The following LARP1 variants were observed in gnomAD, a reference collection of about 807,000 sequenced individuals.
LARP1 encodes the protein La ribonucleoprotein 1, translational regulator.
A neutral mutation model predicts 122.7 loss-of-function variants in LARP1; 36 were observed. The ratio of observed to expected loss-of-function variants is 0.29; its 90% confidence interval spans 0.22 to 0.39. The LOEUF is 0.39. LARP1 is among the 10% of genes least tolerant of loss of function. The pLI, the probability that LARP1 is intolerant of heterozygous loss-of-function variation, is 1.00. For synonymous variants in LARP1, 539 were observed against 528.7 expected (o/e 1.02, Z -0.27); for missense variants, 1,040 against 1,403.6 (o/e 0.74, Z 4.14).
chr5:154,756,010 GA>G lies in LARP1; in HGVS notation c.255del (p.Gly86AlafsTer39). 1 of 1,019,786 alleles carries G rather than the reference GA, an allele frequency of 9.8e-7. No homozygotes were observed. The highest frequency in any genetic ancestry group is 3.7e-5 in the South Asian group (1 of 26,908). The allele number at this position is 1,019,786 out of a possible 1,614,324, so 63.2% of individuals were successfully genotyped here. A position where few individuals can be genotyped will look rare whatever the true frequency, so the allele number is the denominator to read the frequency against. ...SPRPLQLPGAEGPAISDGEEG... is the reference protein window; with the variant it reads ...SPRPLQLPGAXGPAISDGEEG... ...GCGGCCGCTGCAGCTGCCCGGCGCCGAAGGCCCGGCCATCAGCGACGGGGAG... is the reference window on the plus strand; with the variant it reads ...GCGGCCGCTGCAGCTGCCCGGCGCCGAGGCCCGGCCATCAGCGACGGGGAG... On this transcript the variant is annotated frameshift_variant, in exon 1 of 19. Coordinates refer to ENST00000518297, the MANE Select transcript of LARP1 (RefSeq NM_033551.3). LOFTEE classifies it high-confidence loss of function.
In LARP1 at chr5:154,802,269, A is replaced by T; in HGVS notation, c.1979A>T (p.Asp660Val). 1.2e-6 allele frequency: 2 copies of T among 1,614,078 alleles called. No individual in the cohort carries two copies. The highest frequency in any genetic ancestry group is 2.2e-5 in the East Asian group (1 of 44,888). Residue 660 changes from aspartate (D) to valine (V), a missense_variant, in exon 11 of 19, where the codon GAC becomes GTC. Around this residue, in one of 8 missense-constraint regions of LARP1, gnomAD observed 362 missense variants for 533.1 expected, o/e 0.68. Coordinates refer to ENST00000518297, the MANE Select transcript of LARP1 (RefSeq NM_033551.3). The surrounding 1 kb of genome is among the most constrained non-coding windows in gnomAD (Gnocchi z 5.1). ...TACATGCGCCGGCACCCAGGGGGGG[A>T]CCGCACAGGCAACCACACCTCGCGT... is the stretch of plus-strand genomic sequence containing the variant. ...PHYMRRHPGG[D>V]RTGNHTSRAK...
rs1281986865 is a variant in LARP1 at position 154,811,598 on chromosome 5, A to C, written c.3039A>C (p.Glu1013Asp). 6.2e-7 allele frequency: 1 copy of C among 1,614,222 alleles called. No individual in the cohort carries two copies. The highest frequency in any genetic ancestry group is 8.5e-7 in the Non-Finnish European group (1 of 1,180,052). Reference protein sequence around the residue: ...KNLDIDPKLQEYLGKFRRLED... With the variant: ...KNLDIDPKLQDYLGKFRRLED... ...TGGACATTGACCCCAAACTGCAAGA[A>C]TACCTCGGCAAATTCCGACGTCTTG... Residue 1013 changes from glutamate to aspartate, a missense_variant, in exon 18 of 19, where the codon GAA becomes GAC. Glu to Asp is a conservative substitution (Grantham distance 45). This residue lies in a region of LARP1 where 129 missense variants were observed against 160.8 expected (regional missense o/e 0.80). Coordinates refer to ENST00000518297, the MANE Select transcript of LARP1 (RefSeq NM_033551.3).
chr5:154,752,608 T>C (rs1480034793), upstream of LARP1, among the ~76,000 whole-genome samples: 1 of 152,138 alleles, frequency 6.6e-6, no homozygotes, highest in African/African-American at 2.4e-5. Context: ...GTAATCATTA[T>C]GATTCCTTTT....
At chr5:154,752,823 C>T (rs984778021), upstream of LARP1, among the ~76,000 whole-genome samples, 2 of 151,718 alleles carry the variant, frequency 1.3e-5, no homozygotes, top group Non-Finnish European at 2.9e-5. Context: ...CCTGTAATTC[C>T]AGCTACTCAG....
At chr5:154,704,464 T>C (rs1754855335) in intron 1 of LARP1, among the ~76,000 whole-genome samples, 2 of 151,718 alleles carry the variant, frequency 1.3e-5, no homozygotes, top group Admixed American at 6.6e-5. Context: ...CTGGCCAACA[T>C]TGTGAAACCT....
chr5:154,736,181 C>G (rs1190513217), intron 1 of LARP1, among the ~76,000 whole-genome samples: 1 of 151,756 alleles, frequency 6.6e-6, no homozygotes. Flanking sequence ...ACTGTAACCT[C>G]TACCTCCCAG....
chr5:154,795,443 G>C (rs375734590), intron 8 of LARP1, 124 bp downstream of exon 8: 32 of 931,734 alleles, frequency 3.4e-5, no homozygotes, highest in South Asian at 2.8e-4. Flanking sequence ...AAGTCTCAAG[G>C]CTTGGCTAGT....
chr5:154,689,892 C>A (rs1370460295), intron 1 of LARP1, among the ~76,000 whole-genome samples: 2 of 151,994 alleles, frequency 1.3e-5, no homozygotes, highest in Non-Finnish European at 2.9e-5. Flanking sequence ...GCCTGGCCAT[C>A]ATGGTGAAAT....
At chr5:154,730,221 C>T (rs149039314) in intron 1 of LARP1, among the ~76,000 whole-genome samples, 150 of 152,166 alleles carry the variant, frequency 9.9e-4, no homozygotes, top group African/African-American at 3.4e-3. Context: ...TGGAGTCTTG[C>T]TCTGTCGCCC....
At chr5:154,795,464 C>T (rs528825088) in intron 8 of LARP1, 145 bp downstream of exon 8, 113 of 719,094 alleles carry the variant, frequency 1.6e-4, no homozygotes, top group Non-Finnish European at 2.2e-4. Flanking sequence ...CTCCTCCTCT[C>T]CCTCCTTCCT....
At chr5:154,695,468 C>G (rs1184546091) in intron 1 of LARP1, among the ~76,000 whole-genome samples, 1 of 151,856 alleles carries the variant, frequency 6.6e-6, no homozygotes, top group Admixed American at 6.6e-5. Flanking sequence ...ACCAGCCTGA[C>G]CAACATGGTG....
upstream of LARP1, among the ~76,000 whole-genome samples, chr5:154,712,252 G>A (rs1016386842): frequency 3.3e-5 from 5 of 152,328 alleles, no homozygotes; most frequent in Admixed American, 3.3e-4. Context: ...ATAGTGAGTA[G>A]AGGATCACTA....
intron 1 of LARP1, among the ~76,000 whole-genome samples, chr5:154,686,468 T>C (rs1582134081): frequency 6.6e-6 from 1 of 152,252 alleles, no homozygotes; most frequent in East Asian, 1.9e-4. Flanking sequence ...ATCAGCAGAG[T>C]GGCCAAATAT....
intron 1 of LARP1, among the ~76,000 whole-genome samples, chr5:154,693,449 C>T (rs1409425585): frequency 1.3e-5 from 2 of 152,090 alleles, no homozygotes; most frequent in South Asian, 2.1e-4. Context: ...AACATTGGTT[C>T]GTGATTGGCC....
At position 154,814,077 on chromosome 5, in the gene LARP1, C is replaced by T; in HGVS notation, c.3272C>T (p.Thr1091Ile). The T allele has an allele frequency of 1.9e-6, 3 of 1,614,108 alleles. No individual in the cohort carries two copies. The highest frequency in any genetic ancestry group is 2.5e-6 in the Non-Finnish European group (3 of 1,180,028). Residue 1091 changes from threonine to isoleucine, a missense_variant, in exon 19 of 19, where the codon ACA (threonine) becomes ATA (isoleucine). Around this residue, in one of 8 missense-constraint regions of LARP1, gnomAD observed 129 missense variants for 160.8 expected, o/e 0.80. Transcript: ENST00000518297. ...DAKWTSQHSN[T>I]QTLGK ...AAATGGACAAGCCAGCACTCGAACA[C>T]ACAGACTTTGGGAAAGTGAAAAGCT...
At chr5:154,744,819 A>G (rs1284117514) in intron 1 of LARP1, among the ~76,000 whole-genome samples, 3 of 132,508 alleles carry the variant, frequency 2.3e-5, no homozygotes, top group African/African-American at 6.2e-5. Context: ...TTGTATTTTT[A>G]GTAGAGACGG....
intron 10 of LARP1, among the ~76,000 whole-genome samples, chr5:154,801,566 G>A (rs769833628): frequency 1.1e-4 from 17 of 152,152 alleles, no homozygotes; most frequent in Non-Finnish European, 1.3e-4. Context: ...CCAGATCCCC[G>A]TCTAGGTACT....
chr5:154,735,421 C>T (rs1210123568), intron 1 of LARP1, among the ~76,000 whole-genome samples: 1 of 151,622 alleles, frequency 6.6e-6, no homozygotes. Flanking sequence ...CACTCTCCTC[C>T]AAGCCTGGGT....
rs1281896329 is a variant in LARP1 at position 154,766,519 on chromosome 5, A to G, written c.436+10326A>G. Among the ~76,000 whole-genome samples, 5 of 152,324 alleles carry G rather than the reference A, an allele frequency of 3.3e-5. No individual in the cohort carries two copies. The East Asian group carries it at 9.6e-4, about 29-fold the overall frequency. ...CAGAAGGCTACATTATCCAGAATGC[A>G]TCTCATTTGCTGGAAGAGGCACAGT... is the stretch of plus-strand genomic sequence containing the variant. On this transcript the variant is annotated intron_variant, in intron 1 of 18. Coordinates refer to ENST00000518297, the MANE Select transcript of LARP1 (RefSeq NM_033551.3).
Sources: allele counts gnomAD v4.1 joint callset (sites outside exome capture counted in the v4.1 genomes callset), GRCh38; gene constraint gnomAD v4.1.1; regional missense constraint gnomAD v4.1.1; non-coding constraint Gnocchi (gnomAD v3.1); transcripts MANE v1.5; gene names NCBI Gene and HGNC (gene_info 2026-07-23, HGNC 2026-07-21).